DPP10: variants seen among roughly 807,000 people sequenced by gnomAD.
DPP10 encodes inactive dipeptidyl peptidase 10.
Under a neutral mutation model 120.9 loss-of-function variants are expected in DPP10, and 33 were observed. The observed-to-expected ratio is 0.27, with a 90% CI of 0.21 to 0.37. DPP10 has a LOEUF of 0.37. Ranked by LOEUF, DPP10 falls within the 10% of genes least tolerant of loss-of-function variation. The pLI is 1.00. For missense variants in DPP10, 816 were observed against 942.8 expected (o/e 0.87, Z 1.76); for synonymous variants, 337 against 326.1 (o/e 1.03, Z -0.36).
intron 3 of DPP10, among the ~76,000 whole-genome samples, chr2:115,498,309 A>C (rs1417190611): frequency 3.3e-5 from 5 of 152,154 alleles, no homozygotes; most frequent in Admixed American, 2.0e-4. Flanking sequence ...CTTGTCATAT[A>C]AATTGTACGT....
At chr2:115,152,916 T>C (rs570569469) in intron 1 of DPP10, among the ~76,000 whole-genome samples, 144 of 152,286 alleles carry the variant, frequency 9.5e-4, no homozygotes, top group African/African-American at 3.3e-3. Context: ...AAGACTTTGA[T>C]TACTCATAGT....
chr2:114,859,728 G>A (rs1430646748), intron 1 of DPP10, among the ~76,000 whole-genome samples: 2 of 152,092 alleles, frequency 1.3e-5, no homozygotes, highest in East Asian at 3.9e-4. Flanking sequence ...ACCTATCTGG[G>A]ATCTTTTTCC....
chr2:115,629,310 T>C (rs1034644815), intron 5 of DPP10, among the ~76,000 whole-genome samples: 2 of 152,132 alleles, frequency 1.3e-5, no homozygotes, highest in African/African-American at 4.8e-5. Flanking sequence ...GCATGATTTA[T>C]AATCCTTTGG....
At chr2:115,713,177 A>G (rs2092386986) in intron 7 of DPP10, among the ~76,000 whole-genome samples, 1 of 152,168 alleles carries the variant, frequency 6.6e-6, no homozygotes, top group Non-Finnish European at 1.5e-5. Context: ...AGCAATGAGC[A>G]TCTTGAGGTG....
chr2:115,217,492 G>T (rs982199226), intron 1 of DPP10, among the ~76,000 whole-genome samples: 1 of 152,106 alleles, frequency 6.6e-6, no homozygotes, highest in South Asian at 2.1e-4. Context: ...GCAATAATTG[G>T]CTATGCATCG....
At chr2:115,270,242 T>C (rs1213355904) in intron 1 of DPP10, among the ~76,000 whole-genome samples, 2 of 152,084 alleles carry the variant, frequency 1.3e-5, no homozygotes, top group Non-Finnish European at 2.9e-5. Context: ...ATGGATGTAT[T>C]GGTCAGGAGA....
chr2:115,242,597 T>A (rs180827981), intron 1 of DPP10, among the ~76,000 whole-genome samples: 2 of 152,210 alleles, frequency 1.3e-5, no homozygotes, highest in Admixed American at 1.3e-4. Context: ...CTGTTTTCCA[T>A]AGTGGTTGTG....
intron 5 of DPP10, among the ~76,000 whole-genome samples, chr2:115,556,886 C>T (rs528672256): frequency 2.0e-5 from 3 of 152,114 alleles, no homozygotes; most frequent in Non-Finnish European, 4.4e-5. Context: ...AAAGCTTGCA[C>T]AGCTTTGTAA....
At chr2:114,900,785 G>A (rs1693496169) in intron 1 of DPP10, among the ~76,000 whole-genome samples, 1 of 152,090 alleles carries the variant, frequency 6.6e-6, no homozygotes, top group African/African-American at 2.4e-5. Flanking sequence ...AAGGTTAAAA[G>A]TTCCCCAAAA....
At chr2:114,964,601 G>A (rs935571294) in intron 1 of DPP10, among the ~76,000 whole-genome samples, 4 of 152,046 alleles carry the variant, frequency 2.6e-5, no homozygotes, top group African/African-American at 7.2e-5. Flanking sequence ...AAGAGCAATC[G>A]CAAAGGCCAT....
chr2:115,493,256 T>C (rs943851123), intron 3 of DPP10, among the ~76,000 whole-genome samples: 2 of 151,856 alleles, frequency 1.3e-5, no homozygotes, highest in African/African-American at 4.8e-5. Flanking sequence ...TAAAGAACAA[T>C]ATAAATATAG....
intron 1 of DPP10, among the ~76,000 whole-genome samples, chr2:114,502,956 CAG>C (rs1023724873): frequency 1.3e-5 from 2 of 151,184 alleles, no homozygotes; most frequent in Admixed American, 6.6e-5. Flanking sequence ...TTGAGACAGA[CAG>C]AAGATGACAT....
intron 7 of DPP10, among the ~76,000 whole-genome samples, chr2:115,690,917 C>T (rs141113838): frequency 6.6e-6 from 1 of 152,244 alleles, no homozygotes; most frequent in East Asian, 1.9e-4. Context: ...CATATCCTTG[C>T]CAACACCTGT....
At chr2:114,786,778 G>A (rs1682802549) in intron 1 of DPP10, among the ~76,000 whole-genome samples, 3 of 152,150 alleles carry the variant, frequency 2.0e-5, no homozygotes, top group Admixed American at 2.0e-4. Flanking sequence ...AACAACCAAA[G>A]CAGTGTGGTG....
chr2:115,649,975 T>G (rs2087607362), intron 5 of DPP10, among the ~76,000 whole-genome samples: 1 of 152,028 alleles, frequency 6.6e-6, no homozygotes, highest in Non-Finnish European at 1.5e-5. Context: ...TTGTTTACAG[T>G]GTGCCAAATG....
At chr2:114,583,087 A>G (rs890222893) in intron 1 of DPP10, among the ~76,000 whole-genome samples, 2 of 152,228 alleles carry the variant, frequency 1.3e-5, no homozygotes, top group African/African-American at 4.8e-5. Context: ...CTAGTAGTAC[A>G]GTTTGTTAGG....
At chr2:114,718,803 A>G (rs1196238462) in intron 1 of DPP10, among the ~76,000 whole-genome samples, 1 of 152,242 alleles carries the variant, frequency 6.6e-6, no homozygotes, top group Non-Finnish European at 1.5e-5. Flanking sequence ...AGGAGGTACC[A>G]TAATTCAACT....
At chr2:115,143,055 G>T (rs2051016486) in intron 1 of DPP10, among the ~76,000 whole-genome samples, 1 of 151,998 alleles carries the variant, frequency 6.6e-6, no homozygotes, top group Non-Finnish European at 1.5e-5. Flanking sequence ...CCAGCATTTG[G>T]CTCCCTTTCA....
chr2:115,015,249 A>T (rs1457716995), intron 1 of DPP10, among the ~76,000 whole-genome samples: 1 of 152,144 alleles, frequency 6.6e-6, no homozygotes, highest in Admixed American at 6.5e-5. Flanking sequence ...AATGACAAAA[A>T]CCACATGATT....
Sources: gnomAD v4.1 joint callset for allele counts (sites outside exome capture counted in the v4.1 genomes callset) on GRCh38, gnomAD v4.1.1 for gene constraint, MANE v1.5 for transcripts, NCBI Gene and HGNC (gene_info 2026-07-23, HGNC 2026-07-21) for gene names.